The following RRN3 variants were observed in gnomAD, a reference collection of about 807,000 sequenced individuals.
RRN3 encodes RNA polymerase I-specific transcription initiation factor RRN3.
RRN3 carries 38 observed loss-of-function variants against 82.3 expected under a neutral mutation model. The observed-to-expected ratio is 0.46, with a 90% CI of 0.36 to 0.61. RRN3 has a LOEUF of 0.61. Ranked by LOEUF, RRN3 falls within the 20% of genes least tolerant of loss-of-function variation. The pLI, the probability that RRN3 is intolerant of heterozygous loss-of-function variation, is 0.00. For synonymous variants in RRN3, 284 were observed against 284.3 expected, an observed-to-expected ratio of 1.00 and a Z score of 0.01; for missense variants, 726 against 793.1, an observed-to-expected ratio of 0.92 and a Z score of 1.02.
intron 12 of RRN3, among the ~76,000 whole-genome samples, chr16:15,072,703 T>C (rs1054835516): frequency 6.6e-6 from 1 of 151,908 alleles, no homozygotes; most frequent in Non-Finnish European, 1.5e-5. Flanking sequence ...GGGTAAGGAC[T>C]GAGAGTCCGT....
At position 15,092,577 on chromosome 16, in the gene RRN3, T is replaced by G. The variant is rs745855912; in HGVS notation, c.127A>C (p.Asn43His). The change falls in exon 2 of 18, where the codon AAT becomes CAT. Residue 43 changes from asparagine to histidine, a missense_variant. Asn to His is a moderately conservative substitution (Grantham distance 68). Transcript: ENST00000198767. ...NMRALENDFF[N>H]SPPRKTVRFG... is the part of the protein sequence containing the mutation. ...CGAACAGTTTTTCTTGGGGGAGAAT[T>G]GAAAAAGTCATTCTCTAATGCACGC... 6.2e-7 allele frequency: 1 copy of G among 1,613,406 alleles called. No homozygotes were observed. The highest frequency in any genetic ancestry group is 1.1e-5 in the South Asian group (1 of 91,050).
In RRN3 at chr16:15,061,899, C is replaced by T; in HGVS notation, c.1801G>A (p.Val601Met). ...AGAAAGTCATCATCTTCATCTTCCA[C>T]TATGTCCTGCAGAAACATCAGAAAT... is the stretch of plus-strand genomic sequence containing the variant. Reference protein sequence around the residue: ...EFKKPMKKDIVEDEDDDFLKG... With the variant: ...EFKKPMKKDIMEDEDDDFLKG... Residue 601 changes from valine to methionine, a missense_variant, in exon 18 of 18, where the codon GTG (valine) becomes ATG (methionine). Physicochemically the swap from Val to Met is conservative, Grantham distance 21. Around this residue, in one of 4 missense-constraint regions of RRN3, gnomAD observed 166 missense variants for 154.8 expected, o/e 1.07. Coordinates refer to ENST00000198767, the MANE Select transcript of RRN3 (RefSeq NM_018427.5). 1.2e-6 allele frequency: 2 copies of T among 1,611,208 alleles called. No homozygotes were observed. The highest frequency in any genetic ancestry group is 1.7e-6 in the Non-Finnish European group (2 of 1,177,408).
intron 17 of RRN3, among the ~76,000 whole-genome samples, chr16:15,062,686 G>A (rs1327967609): frequency 2.7e-5 from 4 of 147,830 alleles, no homozygotes; most frequent in African/African-American, 4.9e-5. Flanking sequence ...GTAAGAATGC[G>A]CAAGTGGCAA....
rs780821372 is a variant in RRN3 at position 15,063,163 on chromosome 16, T to A, written c.1794+33A>T. On this transcript the variant is annotated intron_variant, in intron 17 of 17. Transcript: ENST00000198767. ...TGTGACCTGGAACCAGAAAGGAGAT[T>A]CCGAGAGTGTGCTCAATCAATCACA... 12 of 1,417,310 alleles carry A rather than the reference T, an allele frequency of 8.5e-6. 1 individual carries two copies. The Middle Eastern group carries it at 1.2e-3, about 146-fold the overall frequency. 87.8% of individuals were successfully genotyped at this position (1,417,310 alleles called of 1,614,324 possible). A position where few individuals can be genotyped will look rare whatever the true frequency, so the allele number is the denominator to read the frequency against.
rs2044702331 is a variant in RRN3, at chr16:15,061,330, C to T, written c.*414G>A. On this transcript the variant is annotated 3_prime_UTR_variant, in exon 18 of 18. Transcript: ENST00000198767. ...AAGTTTTATCTTAGAGGATTCTTCA[C>T]TGAAAGCTCATCAGTCAAGTCCTAA... 1 of 176,378 alleles carries T rather than the reference C, an allele frequency of 5.7e-6. No homozygotes were observed. Among genetic ancestry groups the T allele is most frequent in the South Asian group, 2.0e-4 (1 of 5,036 alleles). The allele number at this position is 176,378 out of a possible 1,614,324, so 10.9% of individuals were successfully genotyped here. A position where few individuals can be genotyped will look rare whatever the true frequency, so the allele number is the denominator to read the frequency against.
At chr16:15,078,477 C>T (rs1401082133) in intron 9 of RRN3, among the ~76,000 whole-genome samples, 2 of 152,100 alleles carry the variant, frequency 1.3e-5, no homozygotes, top group Non-Finnish European at 2.9e-5. Flanking sequence ...CTGACATGGT[C>T]CTCCAGAAAG....
At chr16:15,090,219 A>AT (rs397782602) in intron 3 of RRN3, among the ~76,000 whole-genome samples, 9 of 151,982 alleles carry the variant, frequency 5.9e-5, no homozygotes, top group Non-Finnish European at 1.3e-4. Flanking sequence ...TTAAAAAAAA[A>AT]GTCCACTGAA....
chr16:15,083,346 C>T (rs1259830941), intron 8 of RRN3, among the ~76,000 whole-genome samples, 167 bp downstream of exon 8: 16 of 151,942 alleles, frequency 1.1e-4, no homozygotes, highest in Non-Finnish European at 2.2e-4. Context: ...TTGCAGTGAG[C>T]CAAGATGACG....
At chr16:15,081,940 A>G (rs991446966) in intron 8 of RRN3, among the ~76,000 whole-genome samples, 26 of 152,176 alleles carry the variant, frequency 1.7e-4, no homozygotes, top group Admixed American at 9.2e-4. Context: ...GTCTTGAACA[A>G]CTGGTTAGTG....
chr16:15,087,999 A>G (rs2045975643), intron 3 of RRN3, among the ~76,000 whole-genome samples: 1 of 152,148 alleles, frequency 6.6e-6, no homozygotes, highest in South Asian at 2.1e-4. Flanking sequence ...CCGTAATCCC[A>G]GCTACTCGGG....
At chr16:15,081,256 G>A (rs1597961657) in intron 8 of RRN3, among the ~76,000 whole-genome samples, 2 of 152,146 alleles carry the variant, frequency 1.3e-5, no homozygotes, top group South Asian at 2.1e-4. Flanking sequence ...GCTGAGTCAC[G>A]TGTTAATTCT....
At chr16:15,081,462 G>C (rs937212806) in intron 8 of RRN3, among the ~76,000 whole-genome samples, 1 of 152,106 alleles carries the variant, frequency 6.6e-6, no homozygotes, top group Non-Finnish European at 1.5e-5. Flanking sequence ...TAATGATGTT[G>C]AGCTTCTTTT....
intron 10 of RRN3, 163 bp downstream of exon 10, chr16:15,076,395 G>A: frequency 1.5e-6 from 1 of 653,394 alleles, no homozygotes; most frequent in South Asian, 1.8e-5. Flanking sequence ...TATGCTAAGT[G>A]CTAAATGACA....
chr16:15,062,532 A>G (rs2044755670), intron 17 of RRN3, among the ~76,000 whole-genome samples: 1 of 152,198 alleles, frequency 6.6e-6, no homozygotes, highest in Admixed American at 6.5e-5. Context: ...TTTCCTCTCT[A>G]ACTGTAACTG....
chr16:15,088,276 G>C (rs1421643095), intron 3 of RRN3, among the ~76,000 whole-genome samples: 1 of 152,060 alleles, frequency 6.6e-6, no homozygotes, highest in Non-Finnish European at 1.5e-5. Flanking sequence ...AGGAATTTGA[G>C]ACCAGCCTGG....
intron 3 of RRN3, among the ~76,000 whole-genome samples, chr16:15,090,964 G>A (rs2046110176): frequency 6.6e-6 from 1 of 151,688 alleles, no homozygotes; most frequent in African/African-American, 2.4e-5. Flanking sequence ...TAATAGAAAG[G>A]AAGCATTAGA....
chr16:15,064,784 C>T (rs1015874696), intron 16 of RRN3, among the ~76,000 whole-genome samples: 3 of 152,202 alleles, frequency 2.0e-5, no homozygotes, highest in South Asian at 2.1e-4. Context: ...AGGGAGACCA[C>T]GAGATGCTCA....
intron 10 of RRN3, among the ~76,000 whole-genome samples, chr16:15,075,503 C>T (rs1158453929): frequency 6.6e-6 from 1 of 150,796 alleles, no homozygotes; most frequent in Non-Finnish European, 1.5e-5. Flanking sequence ...CCCAGGAGGT[C>T]GAGGCTGGAG....
intron 9 of RRN3, among the ~76,000 whole-genome samples, chr16:15,078,923 T>C (rs1304360716): frequency 6.6e-6 from 1 of 151,464 alleles, no homozygotes; most frequent in African/African-American, 2.4e-5. Context: ...ACCATTCTCC[T>C]GCCTCAGCCT....
Sources: gnomAD v4.1 joint callset for allele counts (sites outside exome capture counted in the v4.1 genomes callset) on GRCh38, gnomAD v4.1.1 for gene constraint, gnomAD v4.1.1 regional missense constraint, MANE v1.5 for transcripts, NCBI Gene and HGNC (gene_info 2026-07-23, HGNC 2026-07-21) for gene names.